STX8: variants seen among roughly 807,000 people sequenced by gnomAD.
STX8 encodes the protein syntaxin 8.
A neutral mutation model predicts 37.5 loss-of-function variants in STX8; 23 were observed. The ratio of observed to expected loss-of-function variants is 0.61; its 90% CI spans 0.44 to 0.87. The LOEUF is 0.87. Ranked by LOEUF, STX8 falls within the 40% of genes least tolerant of loss-of-function variation. The probability of loss-of-function intolerance (pLI) is 0.00; values close to 1 mark genes in which losing one functional copy is unlikely to be tolerated. For missense variants in STX8, 313 were observed against 284.7 expected, an observed-to-expected ratio of 1.10 and a Z score of -0.71; for synonymous variants, 115 against 99.1, an observed-to-expected ratio of 1.16 and a Z score of -0.95.
At chr17:9,425,577 A>AG (rs1449205563) in intron 6 of STX8, among the ~76,000 whole-genome samples, 1 of 152,192 alleles carries the variant, frequency 6.6e-6, no homozygotes, top group Non-Finnish European at 1.5e-5. Context: ...ATCACTCAAA[A>AG]GGTTTTCATG....
chr17:9,514,127 C>T (rs189688277), intron 4 of STX8, among the ~76,000 whole-genome samples: 5 of 152,180 alleles, frequency 3.3e-5, no homozygotes, highest in Admixed American at 2.0e-4. Flanking sequence ...TGTAGGATGA[C>T]TACAGTTAAC....
chr17:9,341,195 A>C (rs1471385339), intron 7 of STX8, among the ~76,000 whole-genome samples: 1 of 151,996 alleles, frequency 6.6e-6, no homozygotes, highest in Non-Finnish European at 1.5e-5. Context: ...TATTGGGCCC[A>C]CATTGCTACC....
chr17:9,573,974 A>G (rs1457166286), intron 1 of STX8, among the ~76,000 whole-genome samples: 1 of 152,168 alleles, frequency 6.6e-6, no homozygotes, highest in African/African-American at 2.4e-5. Flanking sequence ...ATTTTGCAAC[A>G]TAAGACAATT....
At chr17:9,281,206 T>C (rs1230076463) in intron 7 of STX8, among the ~76,000 whole-genome samples, 1 of 152,074 alleles carries the variant, frequency 6.6e-6, no homozygotes, top group African/African-American at 2.4e-5. Flanking sequence ...ATCCAGAAGA[T>C]GACAGAGGCT....
intron 7 of STX8, among the ~76,000 whole-genome samples, chr17:9,359,294 T>C (rs1910983769): frequency 2.0e-5 from 3 of 152,036 alleles, no homozygotes; most frequent in Non-Finnish European, 4.4e-5. Flanking sequence ...ACTAAGGCTC[T>C]TGAGCCTGAC....
intron 6 of STX8, among the ~76,000 whole-genome samples, chr17:9,474,346 C>A (rs1388039307): frequency 1.3e-5 from 2 of 152,078 alleles, no homozygotes; most frequent in East Asian, 3.9e-4. Context: ...TTATCAAATC[C>A]TGAAGGGGGG....
At chr17:9,353,492 C>A (rs892498641) in intron 7 of STX8, among the ~76,000 whole-genome samples, 4 of 152,156 alleles carry the variant, frequency 2.6e-5, no homozygotes, top group African/African-American at 9.7e-5. Context: ...TAGCAGCCCA[C>A]CATGATACTT....
intron 7 of STX8, chr17:9,273,538 G>C (rs918148934): frequency 6.6e-6 from 1 of 152,558 alleles, no homozygotes; most frequent in Non-Finnish European, 1.5e-5. Context: ...GCCACACACA[G>C]CCAGGGGTGT....
intron 6 of STX8, among the ~76,000 whole-genome samples, chr17:9,481,004 C>A (rs977243954): frequency 1.3e-5 from 2 of 152,122 alleles, no homozygotes; most frequent in African/African-American, 4.8e-5. Context: ...CCTGCCTCAG[C>A]CTCCCGAGTA....
chr17:9,414,718 C>G (rs1913117031), intron 6 of STX8, among the ~76,000 whole-genome samples: 1 of 149,708 alleles, frequency 6.7e-6, no homozygotes, highest in Non-Finnish European at 1.5e-5. Flanking sequence ...GGTCTTCTTT[C>G]TCACCCAGTC....
intron 7 of STX8, among the ~76,000 whole-genome samples, chr17:9,370,836 T>G (rs1911379662): frequency 6.6e-6 from 1 of 151,838 alleles, no homozygotes; most frequent in South Asian, 2.1e-4. Flanking sequence ...TACTTTTATG[T>G]AAATGTCCTT....
Position 9,310,176 on chromosome 17 carries a change from C to A in STX8, c.644-59531G>T, listed in dbSNP as rs570766427. 4.6e-4 allele frequency among the ~76,000 whole-genome samples: 70 copies of A among 152,076 alleles called. 1 individual carries two copies. Among genetic ancestry groups the A allele is most frequent in the East Asian group, 2.1e-3 (11 of 5,184 alleles). On this transcript the variant is annotated intron_variant, in intron 7 of 7. Transcript: ENST00000306357. ...AAAAAACAACATACAAACACACACA[C>A]AAAAAAACAGGCACCCTGATAACCA... is the stretch of plus-strand genomic sequence containing the variant.
intron 7 of STX8, among the ~76,000 whole-genome samples, chr17:9,297,570 T>G (rs1319994601): frequency 6.6e-6 from 1 of 152,188 alleles, no homozygotes; most frequent in Non-Finnish European, 1.5e-5. Context: ...CAGCAAGTAC[T>G]CAATAAATGT....
intron 7 of STX8, among the ~76,000 whole-genome samples, chr17:9,318,751 C>T (rs1329855265): frequency 2.0e-5 from 3 of 152,134 alleles, no homozygotes; most frequent in African/African-American, 4.8e-5. Flanking sequence ...CATTTTTCCA[C>T]ATGTGAGAAT....
At chr17:9,417,871 G>T (rs1459324502) in intron 6 of STX8, among the ~76,000 whole-genome samples, 1 of 152,196 alleles carries the variant, frequency 6.6e-6, no homozygotes, top group African/African-American at 2.4e-5. Flanking sequence ...GAAGGGGGTT[G>T]CATGCTCACT....
intron 4 of STX8, among the ~76,000 whole-genome samples, chr17:9,519,789 C>G (rs1306807967): frequency 6.6e-6 from 1 of 151,340 alleles, no homozygotes. Context: ...TTGCATGAGT[C>G]TGGAGTGTCC....
At chr17:9,550,089 T>C (rs1458211482) in intron 3 of STX8, among the ~76,000 whole-genome samples, 1 of 152,080 alleles carries the variant, frequency 6.6e-6, no homozygotes, top group African/African-American at 2.4e-5. Context: ...CTGGGTGTGG[T>C]GGCACACGCC....
intron 3 of STX8, chr17:9,556,770 T>TATATATATACATAC (rs1448312575): frequency 7.2e-4 from 52 of 72,708 alleles, no homozygotes; most frequent in African/African-American, 3.4e-3. Context: ...TATATATATA[T>TATATATATACATAC]ATATATATAT....
At chr17:9,282,441 A>C (rs1188615434) in intron 7 of STX8, among the ~76,000 whole-genome samples, 3 of 152,090 alleles carry the variant, frequency 2.0e-5, no homozygotes, top group Non-Finnish European at 4.4e-5. Flanking sequence ...GCCTGATGAC[A>C]TTTTCTTACT....
Sources: allele counts gnomAD v4.1 joint callset (sites outside exome capture counted in the v4.1 genomes callset), GRCh38; gene constraint gnomAD v4.1.1; transcripts MANE v1.5; gene names NCBI Gene and HGNC (gene_info 2026-07-23, HGNC 2026-07-21).